MTMR8: variants seen among roughly 807,000 people sequenced by gnomAD.
MTMR8 encodes the protein phosphatidylinositol-3,5-bisphosphate 3-phosphatase MTMR8.
Under a neutral mutation model 39.3 loss-of-function variants are expected in MTMR8, and 65 were observed. The observed-to-expected ratio is 1.65, with a 90% CI of 1.35 to 2.03. MTMR8 has a LOEUF of 2.03. Among genes scored for constraint, MTMR8 ranks in the 30% most tolerant of loss-of-function variants. The probability of loss-of-function intolerance (pLI) is 0.00; values close to 1 mark genes in which losing one functional copy is unlikely to be tolerated. For missense variants in MTMR8, 777 were observed against 538.9 expected (o/e 1.44, Z -4.37); for synonymous variants, 245 against 185.2 (o/e 1.32, Z -2.62).
intron 12 of MTMR8, among the ~76,000 whole-genome samples, chrX:64,290,509 G>A (rs1233392413): frequency 4.5e-5 from 5 of 110,686 alleles, no homozygotes; most frequent in Non-Finnish European, 9.4e-5. Flanking sequence ...GGTAACTGCA[G>A]TACAATATCA....
At chrX:64,271,501 A>G (rs1202531557) in intron 12 of MTMR8, among the ~76,000 whole-genome samples, 2 of 112,172 alleles carry the variant, frequency 1.8e-5, no homozygotes, top group Non-Finnish European at 3.8e-5. Context: ...CCAGCAACTC[A>G]TGGAGAGGCT....
intron 12 of MTMR8, among the ~76,000 whole-genome samples, chrX:64,293,868 C>A (rs1471103625): frequency 1.8e-5 from 2 of 111,659 alleles, no homozygotes. Flanking sequence ...TGGTTGTACC[C>A]CTGAGACTAT....
At chrX:64,336,343 C>A (rs1470578954) in intron 9 of MTMR8, among the ~76,000 whole-genome samples, 1 of 111,197 alleles carries the variant, frequency 9.0e-6, no homozygotes, top group East Asian at 2.8e-4. Context: ...TATCCAGAGT[C>A]AAATTTCCTT....
At chrX:64,305,270 C>T (rs1922066286) in intron 12 of MTMR8, 1 of 174,036 alleles carries the variant, frequency 5.7e-6, no homozygotes. Flanking sequence ...ATGGATTCTG[C>T]CTCATTTTTA....
intron 12 of MTMR8, among the ~76,000 whole-genome samples, chrX:64,319,808 C>T (rs1022819730): frequency 3.2e-4 from 35 of 111,050 alleles, no homozygotes; most frequent in African/African-American, 1.1e-3. Context: ...TTACTGTAGC[C>T]TTGTAATATA....
intron 12 of MTMR8, among the ~76,000 whole-genome samples, chrX:64,287,998 GCAAAAAAAAAAAAAAAAAAAAAAAAAAA>G (rs1921251374): frequency 2.7e-4 from 1 of 3,722 alleles, no homozygotes; most frequent in Non-Finnish European, 5.6e-4. Flanking sequence ...CTGCTACACA[GCAAAAAAAAAAAAAAAAAAAAAAAAAAA>G]AAAAAAAAAA....
chrX:64,304,860 TTATA>T (rs751399962), intron 12 of MTMR8, among the ~76,000 whole-genome samples: 736 of 28,501 alleles, frequency 0.026, 16 homozygotes, highest in South Asian at 0.05. Flanking sequence ...GATCAAACAT[TTATA>T]TATATATATA....
Position 64,302,808 on chromosome X carries a change from G to T in MTMR8, c.1481+25964C>A, listed in dbSNP as rs763157549. ...ACAAGAAAAACTGTAGGGCAATAAA[G>T]ACCCCAAGCTGCTGCTGGTCTTCAG... On this transcript the variant is annotated intron_variant, in intron 12 of 13. Transcript: ENST00000374852. Among the ~76,000 whole-genome samples the T allele has an allele frequency of 1.5e-3, 164 of 112,150 alleles. 1 individual carries two copies. Among genetic ancestry groups the T allele is most frequent in the African/African-American group, 5.1e-3 (158 of 30,900 alleles).
chrX:64,302,846 C>T (rs930553318), intron 12 of MTMR8, among the ~76,000 whole-genome samples: 12 of 112,250 alleles, frequency 1.1e-4, no homozygotes, highest in African/African-American at 3.9e-4. Flanking sequence ...TTCCCTGACC[C>T]ACAGACTCCC....
intron 1 of MTMR8, among the ~76,000 whole-genome samples, chrX:64,360,777 G>A (rs951381969): frequency 4.5e-5 from 5 of 111,891 alleles, no homozygotes; most frequent in African/African-American, 1.6e-4. Flanking sequence ...ATAAAAATTT[G>A]AAGGACAGAG....
chrX:64,296,670 G>A (rs1480422886), intron 12 of MTMR8, among the ~76,000 whole-genome samples: 1 of 105,521 alleles, frequency 9.5e-6, no homozygotes, highest in Non-Finnish European at 1.9e-5. Context: ...ATGCTGGTGC[G>A]CTACACCCAC....
Position 64,337,361 on chromosome X carries a change from G to C in MTMR8, c.1008C>G (p.Val336=), listed in dbSNP as rs1399972938. Residue 336 remains valine, a synonymous_variant, in exon 9 of 14, where the codon GTC becomes GTG. Coordinates refer to ENST00000374852, the MANE Select transcript of MTMR8 (RefSeq NM_017677.4). ...TGCGGTCCCATCCATCAGAACAATG[G>C]ACTAAGACACTGGCCTTTTCTACCT... The part of the protein sequence containing the change: ...AVKVEKASVL[V]HCSDGWDRTA... 2.5e-6 allele frequency: 3 copies of C among 1,209,791 alleles called. No individual in the cohort carries two copies. The highest frequency in any genetic ancestry group is 3.4e-6 in the Non-Finnish European group (3 of 894,629).
chrX:64,301,941 G>T (rs1021512791), intron 12 of MTMR8, among the ~76,000 whole-genome samples: 2 of 112,030 alleles, frequency 1.8e-5, no homozygotes, highest in Admixed American at 9.4e-5. Flanking sequence ...CTCCAGCTGC[G>T]TGCTGGGAGA....
intron 12 of MTMR8, among the ~76,000 whole-genome samples, chrX:64,325,452 T>C (rs1271266494): frequency 9.0e-6 from 1 of 111,514 alleles, no homozygotes; most frequent in Non-Finnish European, 1.9e-5. Context: ...TATGATCAAG[T>C]GGAACTCATC....
intron 3 of MTMR8, among the ~76,000 whole-genome samples, chrX:64,355,729 G>A (rs1932923): frequency 0.079 from 8,769 of 110,749 alleles, 925 homozygotes; most frequent in African/African-American, 0.28. Flanking sequence ...CTACATTAAT[G>A]AGGACTTTGA....
intron 12 of MTMR8, among the ~76,000 whole-genome samples, chrX:64,295,138 A>C (rs772219050): frequency 9.1e-6 from 1 of 110,189 alleles, no homozygotes; most frequent in South Asian, 4.0e-4. Flanking sequence ...CTCACTTTTC[A>C]GTGAGAACCT....
intron 1 of MTMR8, among the ~76,000 whole-genome samples, chrX:64,389,765 G>C (rs1039243489): frequency 7.1e-5 from 8 of 111,968 alleles, no homozygotes; most frequent in African/African-American, 2.3e-4. Flanking sequence ...CACTTATAAT[G>C]TGCCAGGCCC....
chrX:64,289,235 C>T (rs1921313291), intron 12 of MTMR8, among the ~76,000 whole-genome samples: 1 of 110,439 alleles, frequency 9.1e-6, no homozygotes, highest in Admixed American at 9.7e-5. Context: ...ATTAGAATGG[C>T]TACTATCCCA....
At chrX:64,394,369 G>T (rs977960734) in intron 1 of MTMR8, among the ~76,000 whole-genome samples, 2 of 112,000 alleles carry the variant, frequency 1.8e-5, no homozygotes, top group Non-Finnish European at 3.8e-5. Context: ...TTTGTCCAAA[G>T]TCATTAGCTA....
Sources: allele counts gnomAD v4.1 joint callset (sites outside exome capture counted in the v4.1 genomes callset), GRCh38; gene constraint gnomAD v4.1.1; transcripts MANE v1.5; gene names NCBI Gene and HGNC (gene_info 2026-07-23, HGNC 2026-07-21).